Variants in AGPAT3 observed in about 807,000 individuals in gnomAD.
The protein encoded by AGPAT3 is 1-acyl-sn-glycerol-3-phosphate acyltransferase gamma.
A neutral mutation model predicts 47.3 loss-of-function variants in AGPAT3; 5 were observed. That is an observed-to-expected ratio of 0.11 (90% CI 0.06 to 0.22). The LOEUF (loss-of-function observed/expected upper bound fraction) is 0.22. Ranked by LOEUF, AGPAT3 falls within the 10% of genes least tolerant of loss-of-function variation. The probability of loss-of-function intolerance (pLI) is 1.00; values close to 1 mark genes in which losing one functional copy is unlikely to be tolerated. For synonymous variants in AGPAT3, 212 were observed against 208.3 expected (o/e 1.02, Z -0.15); for missense variants, 315 against 493.0 (o/e 0.64, Z 3.42).
intron 2 of AGPAT3, among the ~76,000 whole-genome samples, chr21:43,913,870 TAGGTA>T (rs1458183382): frequency 1.3e-5 from 2 of 152,218 alleles, no homozygotes; most frequent in East Asian, 3.8e-4. Flanking sequence ...TGATATACAC[TAGGTA>T]AGAAATTAAC....
intron 2 of AGPAT3, chr21:43,950,674 A>G (rs1311888590): frequency 2.6e-5 from 4 of 152,288 alleles, no homozygotes; most frequent in African/African-American, 9.6e-5. Flanking sequence ...AGTGGCCTCC[A>G]AGGGGCCTCA....
chr21:43,891,867 A>G (rs1375137297), intron 1 of AGPAT3, among the ~76,000 whole-genome samples: 3 of 152,158 alleles, frequency 2.0e-5, no homozygotes, highest in Non-Finnish European at 2.9e-5. Flanking sequence ...CCCATGAATC[A>G]TGCGTCTTCT....
At position 43,932,468 on chromosome 21, in the gene AGPAT3, C is replaced by T. The variant is rs897776489; in HGVS notation, c.-48-27166C>T. Among the ~76,000 whole-genome samples, 4 of 152,148 alleles carry T rather than the reference C, an allele frequency of 2.6e-5. No individual in the cohort carries two copies. Among genetic ancestry groups the T allele is most frequent in the African/African-American group, 9.7e-5 (4 of 41,418 alleles). ...CTTCTTCCTTATGGCTGAATAATAA[C>T]ACGGCGTTACGCACCGCACGCTCGC... On this transcript the variant is annotated intron_variant, in intron 2 of 9. Transcript: ENST00000291572. This position sits in a 1 kb window ranked among gnomAD's most constrained non-coding sequence, Gnocchi z 5.2.
At position 43,977,382 on chromosome 21, in the gene AGPAT3, G is replaced by A. The variant is rs192585035; in HGVS notation, c.768-664G>A. The stretch of plus-strand genomic sequence containing the variant: ...CATATTAAGAAAGACCAGAACTCTC[G>A]GGAGCGCACACATGACCACCCTTCT... On this transcript the variant is annotated intron_variant, in intron 7 of 9. Transcript: ENST00000291572. Among the ~76,000 whole-genome samples, 15 of 152,274 alleles carry A rather than the reference G, an allele frequency of 9.9e-5. No homozygotes were observed. In the East Asian group the frequency reaches 2.1e-3, roughly 22 times the overall value.
In AGPAT3 at chr21:43,952,279, C is replaced by G. The variant is rs2088233913; in HGVS notation, c.-48-7355C>G. Among the ~76,000 whole-genome samples the G allele has an allele frequency of 6.6e-6, 1 of 152,136 alleles. No homozygotes were observed. Among genetic ancestry groups the G allele is most frequent in the East Asian group, 1.9e-4 (1 of 5,200 alleles). Reference sequence around the variant, plus strand: ...CTGACTGCAGGCGGTCTCCCTTTTTCATAAGGACACCGGTCAGATGGAATC... The same window carrying G: ...CTGACTGCAGGCGGTCTCCCTTTTTGATAAGGACACCGGTCAGATGGAATC... On this transcript the variant is annotated intron_variant, in intron 2 of 9. Coordinates refer to ENST00000291572, the MANE Select transcript of AGPAT3 (RefSeq NM_020132.5). This position sits in a 1 kb window ranked among gnomAD's most constrained non-coding sequence, Gnocchi z 5.6.
rs150937083 is a variant in AGPAT3, at chr21:43,981,603, G to C, written c.1042+416G>C. On this transcript the variant is annotated intron_variant, in intron 9 of 9. Coordinates refer to ENST00000291572, the MANE Select transcript of AGPAT3 (RefSeq NM_020132.5). This position sits in a 1 kb window ranked among gnomAD's most constrained non-coding sequence, Gnocchi z 5.3. ...ACCCCCAGTGACTTCCCCACTGTGTGCCCACCCCAGGCACAATGCCAGGCC... is the reference window on the plus strand; with the variant it reads ...ACCCCCAGTGACTTCCCCACTGTGTCCCCACCCCAGGCACAATGCCAGGCC... Among the ~76,000 whole-genome samples, 26 of 152,224 alleles carry C rather than the reference G, an allele frequency of 1.7e-4. No individual in the cohort carries two copies. Among genetic ancestry groups the C allele is most frequent in the African/African-American group, 5.3e-4 (22 of 41,534 alleles).
rs897847525 is a variant in AGPAT3 at position 43,881,869 on chromosome 21, C to T, written c.-112+16524C>T. 2.2e-4 allele frequency among the ~76,000 whole-genome samples: 33 copies of T among 152,218 alleles called. 1 individual carries two copies. The highest frequency in any genetic ancestry group is 4.4e-5 in the Non-Finnish European group (3 of 68,034). On this transcript the variant is annotated intron_variant, in intron 1 of 9. Coordinates refer to ENST00000291572, the MANE Select transcript of AGPAT3 (RefSeq NM_020132.5). Reference sequence around the variant, plus strand: ...CGGGGGTTTCATCATATTGGTCAGGCTGGTCTCGAACTCCTGACCTCAGGT... The same window carrying T: ...CGGGGGTTTCATCATATTGGTCAGGTTGGTCTCGAACTCCTGACCTCAGGT...
At chr21:43,940,343 C>T (rs1299483074) in intron 2 of AGPAT3, among the ~76,000 whole-genome samples, 4 of 152,196 alleles carry the variant, frequency 2.6e-5, no homozygotes, top group African/African-American at 9.7e-5. Flanking sequence ...TGAGTGAGGC[C>T]GGGGCCCGGG....
intron 3 of AGPAT3, chr21:43,967,677 A>G: frequency 7.1e-6 from 3 of 420,090 alleles, no homozygotes; most frequent in Admixed American, 3.8e-5. Flanking sequence ...GCACGTGAGA[A>G]GCGTAATTGG....
intron 8 of AGPAT3, 30 bp from the exon 9 acceptor site, chr21:43,980,959 C>T (rs768923297): frequency 1.0e-5 from 16 of 1,585,074 alleles, no homozygotes; most frequent in Middle Eastern, 1.7e-4. Context: ...AGAAGCCTCA[C>T]GCTTCCTTTT....
At chr21:43,944,569 G>A (rs1409282449) in intron 2 of AGPAT3, among the ~76,000 whole-genome samples, 1 of 152,244 alleles carries the variant, frequency 6.6e-6, no homozygotes. Context: ...AGGGGAGAAA[G>A]ACAGAGGCTT....
In AGPAT3 at chr21:43,981,202, C is replaced by T. The variant is rs748305445; in HGVS notation, c.1042+15C>T. The T allele has an allele frequency of 3.3e-5, 53 of 1,613,304 alleles. No individual in the cohort carries two copies. The highest frequency in any genetic ancestry group is 1.6e-4 in the Middle Eastern group (1 of 6,082). On this transcript the variant is annotated intron_variant, in intron 9 of 9. Coordinates refer to ENST00000291572, the MANE Select transcript of AGPAT3 (RefSeq NM_020132.5). The surrounding 1 kb of genome is among the most constrained non-coding windows in gnomAD (Gnocchi z 5.3). ...TGTGGGAGCAGGTAATGGACACTGTCGCTAACAGCTCACACTCTGACGGGC... is the reference window on the plus strand; with the variant it reads ...TGTGGGAGCAGGTAATGGACACTGTTGCTAACAGCTCACACTCTGACGGGC...
At chr21:43,971,277 C>T (rs916820531) in intron 6 of AGPAT3, 111 bp from the exon 7 acceptor site, 40 of 863,420 alleles carry the variant, frequency 4.6e-5, no homozygotes, top group East Asian at 4.6e-4. Context: ...AGACCCCTCA[C>T]GCGTTCTCCC....
At chr21:43,909,095 A>T (rs1435639847) in intron 2 of AGPAT3, among the ~76,000 whole-genome samples, 1 of 152,116 alleles carries the variant, frequency 6.6e-6, no homozygotes, top group Non-Finnish European at 1.5e-5. Flanking sequence ...TACAACAAAC[A>T]TTGTCTGATA....
rs781246419 is a variant in AGPAT3, at chr21:43,978,171, T to C, written c.843+50T>C. On this transcript the variant is annotated intron_variant, in intron 8 of 9. Transcript: ENST00000291572. ...GGGTCCCGGTCTCCTGAAGAGGCTG[T>C]GGAAGGGGTGCTGGCGAGCAGGCAG... 4 of 1,553,824 alleles carry C rather than the reference T, an allele frequency of 2.6e-6. No homozygotes were observed. The African/African-American group carries it at 5.4e-5, about 21-fold the overall frequency.
chr21:43,977,065 A>G lies in AGPAT3; in HGVS notation c.768-981A>G, dbSNP rs537153248. Among the ~76,000 whole-genome samples, 35 of 152,308 alleles carry G rather than the reference A, an allele frequency of 2.3e-4. No homozygotes were observed. The South Asian group carries it at 6.8e-3, about 30-fold the overall frequency. ...AGCTGTAACATGTTACTCATTTAAA[A>G]TTTTCCGATTAGATTTGTCCAATTA... is the stretch of plus-strand genomic sequence containing the variant. On this transcript the variant is annotated intron_variant, in intron 7 of 9. Transcript: ENST00000291572.
In AGPAT3 at chr21:43,986,006, C is replaced by T. The variant is rs1454879392; in HGVS notation, c.*3614C>T. Reference sequence around the variant, plus strand: ...ACCAAAGGCAAGCCCCCTCGGGCCTCGGGGGATGGGGCCGGCCACACCCCT... The same window carrying T: ...ACCAAAGGCAAGCCCCCTCGGGCCTTGGGGGATGGGGCCGGCCACACCCCT... On this transcript the variant is annotated 3_prime_UTR_variant, in exon 10 of 10. Coordinates refer to ENST00000291572, the MANE Select transcript of AGPAT3 (RefSeq NM_020132.5). 6.6e-6 allele frequency: 1 copy of T among 152,308 alleles called. No individual in the cohort carries two copies. The highest frequency in any genetic ancestry group is 1.5e-5 in the Non-Finnish European group (1 of 68,108). The allele number at this position is 152,308 out of a possible 1,614,324, so 9.4% of individuals were successfully genotyped here.
chr21:43,904,504 T>C (rs2086439725), intron 2 of AGPAT3, among the ~76,000 whole-genome samples: 1 of 152,026 alleles, frequency 6.6e-6, no homozygotes, highest in Admixed American at 6.6e-5. Flanking sequence ...AGCTATCTGT[T>C]GCTGGAGGGT....
rs901830208 is a variant in AGPAT3, at chr21:43,906,302, A to C, written c.-49+2283A>C. ...GGGAGGGAGGAGAGGTTGCAAAACT[A>C]AGCAGACGGTGTGGCACTGCAGCTC... On this transcript the variant is annotated intron_variant, in intron 2 of 9. Transcript: ENST00000291572. Among the ~76,000 whole-genome samples, 22 of 152,228 alleles carry C rather than the reference A, an allele frequency of 1.4e-4. No individual in the cohort carries two copies. The South Asian group carries it at 2.7e-3, about 19-fold the overall frequency.
Sources: gnomAD v4.1 joint callset for allele counts (sites outside exome capture counted in the v4.1 genomes callset) on GRCh38, gnomAD v4.1.1 for gene constraint, Gnocchi (gnomAD v3.1) non-coding constraint, MANE v1.5 for transcripts, NCBI Gene and HGNC (gene_info 2026-07-23, HGNC 2026-07-21) for gene names.